Variants in KCNMB2 observed in about 807,000 individuals in gnomAD.
KCNMB2 encodes calcium-activated potassium channel subunit beta-2.
A neutral mutation model predicts 24.5 loss-of-function variants in KCNMB2; 9 were observed. The ratio of observed to expected loss-of-function variants is 0.37; its 90% CI spans 0.22 to 0.64. KCNMB2 has a LOEUF of 0.64. KCNMB2 is among the 30% of genes least tolerant of loss of function. The probability of loss-of-function intolerance (pLI) is 0.63; values close to 1 mark genes in which losing one functional copy is unlikely to be tolerated. For synonymous variants in KCNMB2, 109 were observed against 104.4 expected, an observed-to-expected ratio of 1.04 and a Z score of -0.27; for missense variants, 226 against 284.3, an observed-to-expected ratio of 0.79 and a Z score of 1.47.
At chr3:178,782,133 T>C (rs370635806) in intron 1 of KCNMB2, among the ~76,000 whole-genome samples, 10,144 of 113,362 alleles carry the variant, frequency 0.089, 453 homozygotes, top group Non-Finnish European at 0.12. Flanking sequence ...TCATTTTTTA[T>C]GGCTGCATAG....
intron 1 of KCNMB2, among the ~76,000 whole-genome samples, chr3:178,587,860 G>T (rs908743997): frequency 2.7e-5 from 4 of 150,622 alleles, no homozygotes; most frequent in Non-Finnish European, 5.9e-5. Flanking sequence ...TTAACATTAG[G>T]TATATCTCCT....
rs534350694 is a variant in KCNMB2, at chr3:178,795,069, A to T, written c.-67-12274A>T. On this transcript the variant is annotated intron_variant, in intron 1 of 4. Coordinates refer to ENST00000452583, the MANE Select transcript of KCNMB2 (RefSeq NM_181361.3). ...GAAACCTGAACTGATTACATATTTG[A>T]TGTTAAAAAAATCCTATTAAATTTT... 10 of 152,208 alleles carry T rather than the reference A, an allele frequency of 6.6e-5. No individual in the cohort carries two copies. In the East Asian group the frequency reaches 1.7e-3, roughly 27 times the overall value. 9.4% of individuals were successfully genotyped at this position (152,208 alleles called of 1,614,324 possible).
intron 4 of KCNMB2, among the ~76,000 whole-genome samples, chr3:178,830,960 T>C (rs1715031042): frequency 1.3e-5 from 2 of 152,200 alleles, no homozygotes; most frequent in African/African-American, 4.8e-5. Context: ...TGTTCAGTGC[T>C]TTTGCTGTTC....
intron 1 of KCNMB2, among the ~76,000 whole-genome samples, chr3:178,595,588 G>C (rs999893585): frequency 3.3e-5 from 5 of 152,046 alleles, no homozygotes; most frequent in African/African-American, 9.7e-5. Context: ...ACGAGATCTG[G>C]TTGTTTTTAT....
At chr3:178,642,142 T>A (rs1013992944) in intron 1 of KCNMB2, among the ~76,000 whole-genome samples, 1 of 152,208 alleles carries the variant, frequency 6.6e-6, no homozygotes, top group Non-Finnish European at 1.5e-5. Context: ...GAGATTTTGT[T>A]TTATACAAAC....
intron 1 of KCNMB2, among the ~76,000 whole-genome samples, chr3:178,581,450 G>C (rs887203038): frequency 6.6e-6 from 1 of 151,964 alleles, no homozygotes; most frequent in African/African-American, 2.4e-5. Flanking sequence ...TCAGGACATA[G>C]GCTTAGGCAA....
chr3:178,572,515 G>C (rs748556900), intron 1 of KCNMB2, among the ~76,000 whole-genome samples: 11 of 152,134 alleles, frequency 7.2e-5, no homozygotes, highest in Non-Finnish European at 1.2e-4. Context: ...ATATCTAGTA[G>C]TAATAACAAA....
At chr3:178,822,307 T>C (rs916274775) in intron 2 of KCNMB2, among the ~76,000 whole-genome samples, 2 of 152,250 alleles carry the variant, frequency 1.3e-5, no homozygotes, top group Non-Finnish European at 2.9e-5. Flanking sequence ...TTGTTTAAGG[T>C]GTTTCTCCTT....
chr3:178,588,184 A>C (rs183606922), intron 1 of KCNMB2, among the ~76,000 whole-genome samples: 29 of 152,182 alleles, frequency 1.9e-4, no homozygotes, highest in African/African-American at 6.0e-4. Context: ...CAAGGACTTC[A>C]TTAACCAGAT....
chr3:178,706,069 GT>G (rs1207614696), intron 1 of KCNMB2, among the ~76,000 whole-genome samples: 2 of 152,106 alleles, frequency 1.3e-5, no homozygotes, highest in African/African-American at 4.8e-5. Context: ...GGAGCTCACA[GT>G]CAGTTGCCCA....
chr3:178,577,198 C>G (rs185930332), intron 1 of KCNMB2, among the ~76,000 whole-genome samples: 5 of 152,288 alleles, frequency 3.3e-5, no homozygotes, highest in African/African-American at 1.2e-4. Context: ...TCTTCTGCAG[C>G]CTCCGCTTGC....
chr3:178,792,996 C>T (rs1343815781), intron 1 of KCNMB2, among the ~76,000 whole-genome samples: 2 of 152,208 alleles, frequency 1.3e-5, no homozygotes, highest in African/African-American at 2.4e-5. Flanking sequence ...TCACTGCTGC[C>T]CTTTCTCTCA....
Position 178,773,144 on chromosome 3 carries a change from C to T in KCNMB2, c.-67-34199C>T, listed in dbSNP as rs749137448. Reference sequence around the variant, plus strand: ...AGGCTGTTCCCGGATCACACAGTCACGGCAACTCTTTACTGAGTTAGGAGT... The same window carrying T: ...AGGCTGTTCCCGGATCACACAGTCATGGCAACTCTTTACTGAGTTAGGAGT... On this transcript the variant is annotated intron_variant, in intron 1 of 4. Coordinates refer to ENST00000452583, the MANE Select transcript of KCNMB2 (RefSeq NM_181361.3). Among the ~76,000 whole-genome samples, 7 of 152,262 alleles carry T rather than the reference C, an allele frequency of 4.6e-5. No homozygotes were observed. In the South Asian group the frequency reaches 1.0e-3, roughly 23 times the overall value.
chr3:178,574,851 T>C (rs1461995549), intron 1 of KCNMB2, among the ~76,000 whole-genome samples: 1 of 152,172 alleles, frequency 6.6e-6, no homozygotes, highest in Non-Finnish European at 1.5e-5. Context: ...GTGGATCACC[T>C]GAGGTCAGGA....
chr3:178,810,097 T>G (rs1714127928), intron 2 of KCNMB2, among the ~76,000 whole-genome samples: 1 of 152,182 alleles, frequency 6.6e-6, no homozygotes, highest in Non-Finnish European at 1.5e-5. Context: ...TAAACTGACT[T>G]TGAGCAGTAT....
At chr3:178,723,778 A>C (rs1184747608) in intron 1 of KCNMB2, among the ~76,000 whole-genome samples, 2 of 152,160 alleles carry the variant, frequency 1.3e-5, no homozygotes, top group Non-Finnish European at 2.9e-5. Flanking sequence ...GCTTAGGATT[A>C]TGGCCTCTAG....
chr3:178,668,159 G>C (rs907224518), intron 1 of KCNMB2, among the ~76,000 whole-genome samples: 17 of 152,064 alleles, frequency 1.1e-4, no homozygotes, highest in African/African-American at 4.1e-4. Context: ...CCACTGCTCT[G>C]CGGCAAGCCC....
intron 1 of KCNMB2, among the ~76,000 whole-genome samples, chr3:178,761,241 C>G (rs1711861546): frequency 6.6e-6 from 1 of 152,150 alleles, no homozygotes. Flanking sequence ...TTCCTCGTCT[C>G]TATGATGTCA....
chr3:178,605,683 T>C (rs1718246453), intron 1 of KCNMB2, among the ~76,000 whole-genome samples: 3 of 152,158 alleles, frequency 2.0e-5, no homozygotes, highest in African/African-American at 7.2e-5. Context: ...AATATTTTAT[T>C]GGAAACTGGA....
Sources: allele counts gnomAD v4.1 joint callset (sites outside exome capture counted in the v4.1 genomes callset), GRCh38; gene constraint gnomAD v4.1.1; transcripts MANE v1.5; gene names NCBI Gene and HGNC (gene_info 2026-07-23, HGNC 2026-07-21).